CACNG4: variants seen among roughly 807,000 people sequenced by gnomAD.
The protein encoded by CACNG4 is voltage-dependent calcium channel gamma-4 subunit.
CACNG4 carries 8 observed loss-of-function variants against 22.9 expected under a neutral mutation model. That is an observed-to-expected ratio of 0.35 (90% CI 0.21 to 0.63). The LOEUF (loss-of-function observed/expected upper bound fraction) is 0.63. Among genes scored for constraint, CACNG4 ranks in the 30% least tolerant of loss-of-function variants. The pLI, the probability that CACNG4 is intolerant of heterozygous loss-of-function variation, is 0.72. For missense variants in CACNG4, 357 were observed against 455.4 expected (o/e 0.78, Z 1.97); for synonymous variants, 188 against 191.9 (o/e 0.98, Z 0.17).
intron 1 of CACNG4, among the ~76,000 whole-genome samples, chr17:67,011,538 C>T (rs2035468072): frequency 6.6e-6 from 1 of 152,190 alleles, no homozygotes; most frequent in Admixed American, 6.5e-5. Context: ...AGAATGAGAG[C>T]TCCGTGAGGG....
intron 1 of CACNG4, among the ~76,000 whole-genome samples, chr17:66,970,686 C>G (rs1022257342): frequency 3.3e-5 from 5 of 152,178 alleles, no homozygotes; most frequent in African/African-American, 1.2e-4. Flanking sequence ...CCCTCACAAC[C>G]TCATCTAAAC....
Position 67,030,366 on chromosome 17 carries a change from G to T in CACNG4, c.446-100G>T. The T allele has an allele frequency of 2.2e-6, 2 of 925,034 alleles. No homozygotes were observed. Among genetic ancestry groups the T allele is most frequent in the Non-Finnish European group, 1.7e-6 (1 of 592,662 alleles). The allele number at this position is 925,034 out of a possible 1,614,324, so 57.3% of individuals were successfully genotyped here. On this transcript the variant is annotated intron_variant, in intron 3 of 3. Coordinates refer to ENST00000262138, the MANE Select transcript of CACNG4 (RefSeq NM_014405.4). This position sits in a 1 kb window ranked among gnomAD's most constrained non-coding sequence, Gnocchi z 6.4. ...ATAAAGAAATACTCATCAGAGAGGG[G>T]AGTGTCCACCTGTTCCCTACACTGC...
rs767844962 is a variant in CACNG4 at position 67,031,048 on chromosome 17, C to A, written c.*44C>A. 6.4e-7 allele frequency: 1 copy of A among 1,562,464 alleles called. No homozygotes were observed. Among genetic ancestry groups the A allele is most frequent in the Admixed American group, 1.9e-5 (1 of 54,050 alleles). ...CCGCTCCAGCCTCTCCCCAGAACGG[C>A]TCTTTTTGTCACACAGGATGGCATG... On this transcript the variant is annotated 3_prime_UTR_variant, in exon 4 of 4. Transcript: ENST00000262138. This position sits in a 1 kb window ranked among gnomAD's most constrained non-coding sequence, Gnocchi z 4.0.
At chr17:66,982,283 G>T (rs2035281313) in intron 1 of CACNG4, among the ~76,000 whole-genome samples, 1 of 151,714 alleles carries the variant, frequency 6.6e-6, no homozygotes, top group Admixed American at 6.5e-5. Flanking sequence ...ATGCTGATTG[G>T]TCCATTTTAC....
intron 1 of CACNG4, among the ~76,000 whole-genome samples, chr17:66,992,160 T>TGG (rs10605777): frequency 1.5e-4 from 21 of 139,802 alleles, no homozygotes; most frequent in Admixed American, 4.4e-4. Context: ...GCCAAGCTCC[T>TGG]GGGGGGGGGG....
chr17:67,021,975 TG>T (rs1226483867), intron 2 of CACNG4, among the ~76,000 whole-genome samples: 1 of 152,066 alleles, frequency 6.6e-6, no homozygotes, highest in African/African-American at 2.4e-5. Context: ...AGCTCAGGAA[TG>T]AGTCTGTGTG....
intron 1 of CACNG4, among the ~76,000 whole-genome samples, chr17:66,977,971 G>T (rs569026973): frequency 1.2e-4 from 18 of 152,312 alleles, no homozygotes; most frequent in African/African-American, 4.3e-4. Flanking sequence ...CCTCCCGGAC[G>T]CCCTAAGGAG....
intron 1 of CACNG4, among the ~76,000 whole-genome samples, chr17:66,979,019 C>T (rs2035255128): frequency 1.3e-5 from 2 of 152,178 alleles, no homozygotes; most frequent in South Asian, 4.1e-4. Context: ...CCGCACCCTC[C>T]TTCCAGCCAA....
Position 67,027,360 on chromosome 17 carries a change from C to T in CACNG4, c.445+2360C>T, listed in dbSNP as rs150353956. 4.8e-3 allele frequency among the ~76,000 whole-genome samples: 727 copies of T among 152,350 alleles called. 4 individuals are homozygous for T. The highest frequency in any genetic ancestry group is 0.017 in the African/African-American group (700 of 41,586). On this transcript the variant is annotated intron_variant, in intron 3 of 3. Transcript: ENST00000262138. The surrounding 1 kb of genome is among the most constrained non-coding windows in gnomAD (Gnocchi z 4.3). ...AAATGAGTCCAGGCAGAGAAGGTGGCCGCGGCTGGCTGCAAGGAAGCAATG... is the reference window on the plus strand; with the variant it reads ...AAATGAGTCCAGGCAGAGAAGGTGGTCGCGGCTGGCTGCAAGGAAGCAATG...
In CACNG4 at chr17:67,031,615, G is replaced by A. The variant is rs564454210; in HGVS notation, c.*611G>A. On this transcript the variant is annotated 3_prime_UTR_variant, in exon 4 of 4. Coordinates refer to ENST00000262138, the MANE Select transcript of CACNG4 (RefSeq NM_014405.4). The surrounding 1 kb of genome is among the most constrained non-coding windows in gnomAD (Gnocchi z 4.0). ...AGCCAACTGGTGCTTTGGCCTTTGCGCTGTCCCGGGGCCAGCTTCCCTCGA... is the reference window on the plus strand; with the variant it reads ...AGCCAACTGGTGCTTTGGCCTTTGCACTGTCCCGGGGCCAGCTTCCCTCGA... 62 of 456,670 alleles carry A rather than the reference G, an allele frequency of 1.4e-4. No homozygotes were observed. The highest frequency in any genetic ancestry group is 9.4e-4 in the Admixed American group (40 of 42,558). The allele number at this position is 456,670 out of a possible 1,614,324, so 28.3% of individuals were successfully genotyped here. A position where few individuals can be genotyped will look rare whatever the true frequency, so the allele number is the denominator to read the frequency against.
chr17:67,027,533 T>C lies in CACNG4; in HGVS notation c.445+2533T>C, dbSNP rs1274670813. ...GAGGTCTGACAGGCTCTTAAAGAAC[T>C]CGAGGTGGAAAATGGTAGGTGCCAC... is the stretch of plus-strand genomic sequence containing the variant. On this transcript the variant is annotated intron_variant, in intron 3 of 3. Transcript: ENST00000262138. The surrounding 1 kb of genome is among the most constrained non-coding windows in gnomAD (Gnocchi z 4.3). 6.6e-6 allele frequency among the ~76,000 whole-genome samples: 1 copy of C among 152,040 alleles called. No individual in the cohort carries two copies. The highest frequency in any genetic ancestry group is 1.5e-5 in the Non-Finnish European group (1 of 68,000).
At chr17:67,018,603 C>A (rs2143356096) in intron 2 of CACNG4, among the ~76,000 whole-genome samples, 1 of 152,218 alleles carries the variant, frequency 6.6e-6, no homozygotes, top group Non-Finnish European at 1.5e-5. Context: ...GGGGCTGGAG[C>A]AAGGAAGGTT....
At chr17:67,000,074 C>T (rs982256732) in intron 1 of CACNG4, among the ~76,000 whole-genome samples, 4 of 152,142 alleles carry the variant, frequency 2.6e-5, no homozygotes, top group African/African-American at 9.7e-5. Flanking sequence ...AATGTGGCTC[C>T]CCACTGCCTA....
chr17:66,976,646 C>A (rs925251792), intron 1 of CACNG4, among the ~76,000 whole-genome samples: 1 of 152,016 alleles, frequency 6.6e-6, no homozygotes, highest in Non-Finnish European at 1.5e-5. Flanking sequence ...ATCCCTGAGT[C>A]CTCCCTGCCC....
intron 1 of CACNG4, 73 bp downstream of exon 1, chr17:66,965,204 G>C (rs1189447225): frequency 1.2e-6 from 1 of 805,474 alleles, no homozygotes; most frequent in Non-Finnish European, 1.8e-6. Context: ...ACGCGCGCGC[G>C]CGCGCGCGCA....
intron 1 of CACNG4, among the ~76,000 whole-genome samples, chr17:66,975,757 C>T (rs1176177325): frequency 6.6e-6 from 1 of 152,194 alleles, no homozygotes; most frequent in Admixed American, 6.5e-5. Context: ...ATTTCCTCAC[C>T]TCTCAGAGGC....
At chr17:66,987,728 G>A (rs1365249641) in intron 1 of CACNG4, among the ~76,000 whole-genome samples, 4 of 152,264 alleles carry the variant, frequency 2.6e-5, no homozygotes, top group African/African-American at 9.6e-5. Context: ...AAGAGGGGGC[G>A]AAATACCCTG....
At chr17:66,973,854 G>T (rs551188852) in intron 1 of CACNG4, among the ~76,000 whole-genome samples, 1 of 152,144 alleles carries the variant, frequency 6.6e-6, no homozygotes, top group African/African-American at 2.4e-5. Context: ...TGCCCCCAAC[G>T]TCCCGTCCCC....
chr17:67,031,064 G>GA lies in CACNG4; in HGVS notation c.*60_*61insA. The GA allele has an allele frequency of 6.6e-7, 1 of 1,524,194 alleles. No homozygotes were observed. Among genetic ancestry groups the GA allele is most frequent in the Non-Finnish European group, 8.9e-7 (1 of 1,123,534 alleles). 94.4% of individuals were successfully genotyped at this position (1,524,194 alleles called of 1,614,324 possible). On this transcript the variant is annotated 3_prime_UTR_variant, in exon 4 of 4. Transcript: ENST00000262138. The surrounding 1 kb of genome is among the most constrained non-coding windows in gnomAD (Gnocchi z 4.0). ...CCAGAACGGCTCTTTTTGTCACACAGGATGGCATGTGATCCTCAAGACGAC... is the reference window on the plus strand; with the variant it reads ...CCAGAACGGCTCTTTTTGTCACACAGAGATGGCATGTGATCCTCAAGACGAC...
Sources: gnomAD v4.1 joint callset for allele counts (sites outside exome capture counted in the v4.1 genomes callset) on GRCh38, gnomAD v4.1.1 for gene constraint, Gnocchi (gnomAD v3.1) non-coding constraint, MANE v1.5 for transcripts, NCBI Gene and HGNC (gene_info 2026-07-23, HGNC 2026-07-21) for gene names.